Variants in DLG1 observed in about 807,000 individuals in gnomAD.
The protein encoded by DLG1 is disks large homolog 1.
Under a neutral mutation model 123.4 loss-of-function variants are expected in DLG1, and 42 were observed. That is an observed-to-expected ratio of 0.34 (90% CI 0.27 to 0.44). The LOEUF is 0.44. DLG1 is among the 20% of genes least tolerant of loss of function. The pLI is 1.00. For synonymous variants in DLG1, 317 were observed against 356.2 expected (o/e 0.89, Z 1.24); for missense variants, 942 against 1,082.6 (o/e 0.87, Z 1.82).
intron 13 of DLG1, among the ~76,000 whole-genome samples, chr3:197,107,528 G>GAGCA (rs761211491): frequency 6.6e-6 from 1 of 151,576 alleles, no homozygotes; most frequent in Non-Finnish European, 1.5e-5. Flanking sequence ...CTGGGCGACA[G>GAGCA]AGCAAGACTC....
At chr3:197,062,387 C>T (rs1035925421) in intron 22 of DLG1, among the ~76,000 whole-genome samples, 7 of 152,100 alleles carry the variant, frequency 4.6e-5, no homozygotes, top group Non-Finnish European at 8.8e-5. Context: ...ATCACTTTTG[C>T]GCCTCTGAAA....
intron 23 of DLG1, among the ~76,000 whole-genome samples, chr3:197,056,894 A>G (rs776461732): frequency 3.9e-5 from 6 of 152,176 alleles, no homozygotes; most frequent in African/African-American, 1.2e-4. Flanking sequence ...CAGAGTATGT[A>G]TATCTTTAGG....
intron 4 of DLG1, among the ~76,000 whole-genome samples, chr3:197,216,996 T>G (rs2150459763): frequency 6.6e-6 from 1 of 152,328 alleles, no homozygotes; most frequent in Middle Eastern, 3.4e-3. Context: ...AGTCTTCACA[T>G]GACAATATTC....
chr3:197,067,766 A>G (rs1740714113), intron 19 of DLG1, among the ~76,000 whole-genome samples: 1 of 152,162 alleles, frequency 6.6e-6, no homozygotes, highest in Admixed American at 6.5e-5. Flanking sequence ...CACGTTGGTC[A>G]GGCTGGTCTC....
chr3:197,049,165 A>G (rs953325660), intron 24 of DLG1, among the ~76,000 whole-genome samples: 1 of 151,656 alleles, frequency 6.6e-6, no homozygotes, highest in African/African-American at 2.4e-5. Flanking sequence ...AAAAATACAA[A>G]AATTAGCTGG....
At chr3:197,142,102 G>C (rs60298288) in intron 7 of DLG1, among the ~76,000 whole-genome samples, 1 of 152,166 alleles carries the variant, frequency 6.6e-6, no homozygotes, top group Non-Finnish European at 1.5e-5. Flanking sequence ...TTTTAATACA[G>C]CTCTGTCTGT....
chr3:197,068,549 G>C, intron 19 of DLG1: 1 of 1,561,800 alleles, frequency 6.4e-7, no homozygotes, highest in Non-Finnish European at 8.7e-7. Context: ...TTTCATATTA[G>C]ACAGCAGTAA....
At chr3:197,136,468 G>A in intron 10 of DLG1, 74 bp downstream of exon 10, 1 of 1,291,348 alleles carries the variant, frequency 7.7e-7, no homozygotes. Context: ...TTGGTATGGA[G>A]AAATTCCAGT....
At chr3:197,064,288 G>A (rs1380398810) in intron 22 of DLG1, among the ~76,000 whole-genome samples, 2 of 151,534 alleles carry the variant, frequency 1.3e-5, no homozygotes, top group East Asian at 3.9e-4. Flanking sequence ...CCACCTCCCA[G>A]GTACAAGCAA....
At chr3:197,049,279 C>T (rs534464906) in intron 24 of DLG1, among the ~76,000 whole-genome samples, 1 of 152,202 alleles carries the variant, frequency 6.6e-6, no homozygotes, top group East Asian at 1.9e-4. Flanking sequence ...ATCACACCCG[C>T]ATTCCAGCCT....
At chr3:197,071,271 A>G (rs1358821712) in intron 18 of DLG1, among the ~76,000 whole-genome samples, 1 of 152,208 alleles carries the variant, frequency 6.6e-6, no homozygotes, top group East Asian at 1.9e-4. Flanking sequence ...AGAATTGGCA[A>G]ATGTTCAGTT....
intron 4 of DLG1, among the ~76,000 whole-genome samples, chr3:197,257,583 C>T (rs1218273983): frequency 6.6e-6 from 1 of 152,062 alleles, no homozygotes; most frequent in African/African-American, 2.4e-5. Flanking sequence ...TTTCAAGCTC[C>T]TTCTCTTTCA....
At chr3:197,193,363 C>T (rs1311920603) in intron 5 of DLG1, among the ~76,000 whole-genome samples, 1 of 151,984 alleles carries the variant, frequency 6.6e-6, no homozygotes, top group Non-Finnish European at 1.5e-5. Flanking sequence ...ATAAGAATAC[C>T]GATTGAAGAG....
chr3:197,268,828 C>CT (rs939241575), intron 4 of DLG1, among the ~76,000 whole-genome samples: 25 of 151,612 alleles, frequency 1.6e-4, no homozygotes, highest in South Asian at 4.2e-4. Flanking sequence ...ATTCTATAAG[C>CT]TTTTTTCTAT....
At chr3:197,052,966 T>C (rs1728974888) in intron 23 of DLG1, among the ~76,000 whole-genome samples, 1 of 151,772 alleles carries the variant, frequency 6.6e-6, no homozygotes, top group African/African-American at 2.4e-5. Context: ...ATAATTATTA[T>C]TTTAAGTATG....
intron 18 of DLG1, chr3:197,070,420 G>GA (rs968841773): frequency 2.3e-5 from 3 of 132,348 alleles, no homozygotes; most frequent in Admixed American, 1.5e-4. Flanking sequence ...CTAAAATTTT[G>GA]TTTTTTTTTT....
intron 5 of DLG1, among the ~76,000 whole-genome samples, chr3:197,158,881 C>T (rs1394681782): frequency 6.6e-6 from 1 of 152,102 alleles, no homozygotes; most frequent in African/African-American, 2.4e-5. Flanking sequence ...ACTTTAATTA[C>T]ATGATAGCTT....
At position 197,142,753 on chromosome 3, in the gene DLG1, C is replaced by T. The variant is rs946264612; in HGVS notation, c.553G>A (p.Ala185Thr). 1.6e-5 allele frequency: 25 copies of T among 1,608,606 alleles called. No homozygotes were observed. Among genetic ancestry groups the T allele is most frequent in the Non-Finnish European group, 1.9e-5 (22 of 1,178,244 alleles). The change falls in exon 7 of 25, where the codon GCA becomes ACA. Residue 185 changes from alanine to threonine, a missense_variant. Physicochemically the swap from Ala to Thr is moderately conservative, Grantham distance 58 (BLOSUM62 0). Coordinates refer to ENST00000667157, the MANE Select transcript of DLG1 (RefSeq NM_001366207.1). ...GTGATTTCTTCATATTCATAATCTG[C>T]ATCTGTGCCATTAACCTACAGGGGA... ...ETPTYVNGTD[A>T]DYEYEEITLE...
intron 13 of DLG1, among the ~76,000 whole-genome samples, chr3:197,106,320 C>T (rs558391606): frequency 1.3e-5 from 2 of 152,110 alleles, no homozygotes; most frequent in Non-Finnish European, 2.9e-5. Context: ...GCATGAGAAT[C>T]ACTTGAACCT....
Sources: gnomAD v4.1 joint callset for allele counts (sites outside exome capture counted in the v4.1 genomes callset) on GRCh38, gnomAD v4.1.1 for gene constraint, MANE v1.5 for transcripts, NCBI Gene and HGNC (gene_info 2026-07-23, HGNC 2026-07-21) for gene names.